The following TRIM16 variants were observed in gnomAD, a reference collection of about 807,000 sequenced individuals.
TRIM16 encodes tripartite motif-containing protein 16.
TRIM16 carries 33 observed loss-of-function variants against 50.4 expected under a neutral mutation model. The ratio of observed to expected loss-of-function variants is 0.65; its 90% CI spans 0.50 to 0.88. The LOEUF is 0.88. Among genes scored for constraint, TRIM16 ranks in the 40% least tolerant of loss-of-function variants. TRIM16 has a pLI of 0.00. For missense variants in TRIM16, 581 were observed against 686.8 expected (o/e 0.85, Z 1.72); for synonymous variants, 229 against 270.7 (o/e 0.85, Z 1.51).
At chr17:15,658,335 T>A (rs776767281) in intron 6 of TRIM16, among the ~76,000 whole-genome samples, 1 of 152,218 alleles carries the variant, frequency 6.6e-6, no homozygotes. Flanking sequence ...AGTTTCTGGC[T>A]AAAGAAGCTA....
chr17:15,677,045 A>G (rs1173139064), intron 6 of TRIM16, 131 bp downstream of exon 6: 1 of 347,022 alleles, frequency 2.9e-6, no homozygotes, highest in Non-Finnish European at 4.1e-6. Flanking sequence ...GAGGTAAGCT[A>G]TTAGGATTCT....
At chr17:15,650,424 T>A (rs1987629463) in intron 7 of TRIM16, among the ~76,000 whole-genome samples, 1 of 152,218 alleles carries the variant, frequency 6.6e-6, no homozygotes, top group African/African-American at 2.4e-5. Context: ...CCTTATCCGA[T>A]GGAAATAAAA....
At position 15,628,838 on chromosome 17, in the gene TRIM16, G is replaced by A. The variant is rs1479959807; in HGVS notation, c.1472C>T (p.Pro491Leu). ...GATATAGACCCCGAGCCTCCGGAAA[G>A]GGCCAGCTTTGAGTGGGGTCTCCAT... ...SDMETPLKAG[P>L]FRRLGVYIDF... The change falls in exon 12 of 12, where the codon CCT (proline) becomes CTT (leucine). Residue 491 changes from proline to leucine, a missense_variant. Coordinates refer to ENST00000649191, the MANE Select transcript of TRIM16 (RefSeq NM_001348119.1). 1.9e-6 allele frequency: 3 copies of A among 1,614,190 alleles called. No individual in the cohort carries two copies. Among genetic ancestry groups the A allele is most frequent in the Admixed American group, 1.7e-5 (1 of 60,022 alleles).
At chr17:15,654,011 G>C (rs950436029) in intron 6 of TRIM16, among the ~76,000 whole-genome samples, 1 of 152,110 alleles carries the variant, frequency 6.6e-6, no homozygotes, top group African/African-American at 2.4e-5. Context: ...TGGGTGGAGG[G>C]GGAGGGGTCA....
chr17:15,657,192 C>T (rs1405020634), intron 6 of TRIM16, among the ~76,000 whole-genome samples: 1 of 152,080 alleles, frequency 6.6e-6, no homozygotes, highest in Non-Finnish European at 1.5e-5. Flanking sequence ...ATCTTAACTG[C>T]TTTTATTAAA....
Position 15,651,829 on chromosome 17 carries a change from A to C in TRIM16, c.-220T>G. On this transcript the variant is annotated 5_prime_UTR_variant, in exon 7 of 12. Coordinates refer to ENST00000649191, the MANE Select transcript of TRIM16 (RefSeq NM_001348119.1). ...CAAGGCAGCTAGAGTACTCAGGCTC[A>C]GGACAGCCGGCTCAGGCTCAGGCTG... is the stretch of plus-strand genomic sequence containing the variant. The C allele has an allele frequency of 4.9e-6, 7 of 1,434,068 alleles. No homozygotes were observed. Among genetic ancestry groups the C allele is most frequent in the Non-Finnish European group, 6.4e-6 (7 of 1,099,272 alleles). The allele number at this position is 1,434,068 out of a possible 1,614,324, so 88.8% of individuals were successfully genotyped here.
intron 7 of TRIM16, among the ~76,000 whole-genome samples, chr17:15,645,867 G>C (rs1219270447): frequency 6.6e-6 from 1 of 152,224 alleles, no homozygotes. Flanking sequence ...GCCTGGGAGT[G>C]GGGAGTGGGG....
chr17:15,680,239 A>C (rs926068796), intron 4 of TRIM16, among the ~76,000 whole-genome samples: 2 of 151,902 alleles, frequency 1.3e-5, no homozygotes, highest in African/African-American at 4.8e-5. Context: ...GAATGAATAA[A>C]ACCTTCCTAA....
Position 15,628,764 on chromosome 17 carries a change from T to C in TRIM16, c.1546A>G (p.Met516Val), listed in dbSNP as rs374748349. The C allele has an allele frequency of 1.4e-5, 22 of 1,614,018 alleles. No homozygotes were observed. The highest frequency in any genetic ancestry group is 1.5e-5 in the Non-Finnish European group (18 of 1,180,030). The change falls in exon 12 of 12, where the codon ATG (methionine) becomes GTG (valine). Residue 516 changes from methionine (M) to valine (V), a missense_variant. Met to Val is a conservative substitution (Grantham distance 21, BLOSUM62 1). Coordinates refer to ENST00000649191, the MANE Select transcript of TRIM16 (RefSeq NM_001348119.1). ...LSFYGVEYDT[M>V]TLVHKFACKF... ...CAGGCAAACTTGTGAACCAGAGTCATGGTATCATACTCTACGCCATAGAAG... is the reference window on the plus strand; with the variant it reads ...CAGGCAAACTTGTGAACCAGAGTCACGGTATCATACTCTACGCCATAGAAG...
At chr17:15,667,771 A>G (rs1988560925) in intron 6 of TRIM16, among the ~76,000 whole-genome samples, 1 of 152,322 alleles carries the variant, frequency 6.6e-6, no homozygotes, top group South Asian at 2.1e-4. Flanking sequence ...TTTCTACCAC[A>G]GGGGTACACA....
chr17:15,629,002 G>T lies in TRIM16; in HGVS notation c.1308C>A (p.Phe436Leu), dbSNP rs146120228. The T allele has an allele frequency of 5.6e-6, 9 of 1,613,538 alleles. No homozygotes were observed. The African/African-American group carries it at 1.2e-4, about 22-fold the overall frequency. Residue 436 changes from phenylalanine (F) to leucine (L), a missense_variant, in exon 12 of 12, where the codon TTC (phenylalanine) becomes TTA (leucine). By Grantham distance (22) the Phe-to-Leu change is conservative (BLOSUM62 0). Transcript: ENST00000649191. Reference protein sequence around the residue: ...LHRYYFEVEIFGAGTYVGLTC... With the variant: ...LHRYYFEVEILGAGTYVGLTC... ...TCAGGCCAACATAGGTGCCTGCCCC[G>T]AAGATCTCCACCTCAAAATAGTACC...
chr17:15,649,526 T>G (rs945545342), intron 7 of TRIM16, among the ~76,000 whole-genome samples: 3 of 152,202 alleles, frequency 2.0e-5, no homozygotes, highest in Non-Finnish European at 4.4e-5. Flanking sequence ...GCCCTCATGA[T>G]CTGCCTGCCT....
chr17:15,681,711 C>A (rs1289196342), intron 3 of TRIM16, among the ~76,000 whole-genome samples: 1 of 152,186 alleles, frequency 6.6e-6, no homozygotes, highest in Non-Finnish European at 1.5e-5. Context: ...CATTTCTTTG[C>A]GCTTATCTCT....
At chr17:15,683,004 T>G in intron 2 of TRIM16, 32 bp downstream of exon 2, 1 of 1,550,238 alleles carries the variant, frequency 6.5e-7, no homozygotes, top group Non-Finnish European at 8.7e-7. Context: ...GATTCTTGGC[T>G]AATGGCAGGA....
chr17:15,655,578 TC>T (rs1197997026), intron 6 of TRIM16, among the ~76,000 whole-genome samples: 6 of 148,654 alleles, frequency 4.0e-5, no homozygotes, highest in African/African-American at 1.5e-4. Context: ...TTGATCTCTC[TC>T]TTTTTTTTTT....
chr17:15,672,485 G>A (rs1292475418), intron 6 of TRIM16, among the ~76,000 whole-genome samples: 1 of 151,416 alleles, frequency 6.6e-6, no homozygotes, highest in Non-Finnish European at 1.5e-5. Flanking sequence ...AGTAATGCCA[G>A]CACTTCAGGA....
At chr17:15,683,707 A>G (rs933654501) in intron 1 of TRIM16, 3 of 155,150 alleles carry the variant, frequency 1.9e-5, no homozygotes, top group Non-Finnish European at 4.3e-5. Flanking sequence ...AATTACAGGT[A>G]AAGAACACGA....
rs1410485913 is a variant in TRIM16 at position 15,643,198 on chromosome 17, C to G, written c.520-382G>C. 1.2e-5 allele frequency: 3 copies of G among 241,284 alleles called. No homozygotes were observed. The East Asian group carries it at 3.6e-4, about 29-fold the overall frequency. 14.9% of individuals were successfully genotyped at this position (241,284 alleles called of 1,614,324 possible). ...GGCATTCCAAAGTTAACCTGAAAAACCAGTTCAGGCCATGATGGGAAGGGA... is the reference window on the plus strand; with the variant it reads ...GGCATTCCAAAGTTAACCTGAAAAAGCAGTTCAGGCCATGATGGGAAGGGA... On this transcript the variant is annotated intron_variant, in intron 7 of 11. Coordinates refer to ENST00000649191, the MANE Select transcript of TRIM16 (RefSeq NM_001348119.1).
intron 7 of TRIM16, 103 bp from the exon 8 acceptor site, chr17:15,642,919 G>A: frequency 2.5e-6 from 1 of 407,320 alleles, no homozygotes; most frequent in Non-Finnish European, 3.8e-6. Flanking sequence ...TCCCTGGAAA[G>A]AAGTTTAACT....
Sources: gnomAD v4.1 joint callset for allele counts (sites outside exome capture counted in the v4.1 genomes callset) on GRCh38, gnomAD v4.1.1 for gene constraint, MANE v1.5 for transcripts, NCBI Gene and HGNC (gene_info 2026-07-23, HGNC 2026-07-21) for gene names.